The following PPARGC1A variants were observed in gnomAD, a reference collection of about 807,000 sequenced individuals.
PPARGC1A encodes the protein peroxisome proliferator-activated receptor gamma coactivator 1-alpha.
A neutral mutation model predicts 88.7 loss-of-function variants in PPARGC1A; 25 were observed. That is an observed-to-expected ratio of 0.28 (90% CI 0.21 to 0.39). PPARGC1A has a LOEUF of 0.39. Ranked by LOEUF, PPARGC1A falls within the 10% of genes least tolerant of loss-of-function variation. PPARGC1A has a pLI of 1.00. For missense variants in PPARGC1A, 880 were observed against 968.7 expected (o/e 0.91, Z 1.22); for synonymous variants, 363 against 355.6 (o/e 1.02, Z -0.24).
the PPARGC1A span, among the ~76,000 whole-genome samples, chr4:24,247,412 C>T: frequency 3.9e-5 from 6 of 152,044 alleles, no homozygotes; most frequent in Non-Finnish European, 7.4e-5. Context: ...CGTTTACTTC[C>T]GGTTCGTAAA....
the PPARGC1A span, among the ~76,000 whole-genome samples, chr4:24,376,718 T>C: frequency 4.0e-4 from 61 of 152,296 alleles, no homozygotes; most frequent in African/African-American, 1.5e-3. Flanking sequence ...TTACCTTCAT[T>C]ACTATATGGT....
chr4:24,390,868 A>T, the PPARGC1A span, among the ~76,000 whole-genome samples: 60 of 152,138 alleles, frequency 3.9e-4, no homozygotes, highest in African/African-American at 1.3e-3. Flanking sequence ...GATAACACCA[A>T]TTAGCACATG....
chr4:24,227,127 C>A, the PPARGC1A span, among the ~76,000 whole-genome samples: 1 of 152,096 alleles, frequency 6.6e-6, no homozygotes, highest in East Asian at 1.9e-4. Context: ...CTCTGTTGCC[C>A]AGGCTGGAGT....
the PPARGC1A span, among the ~76,000 whole-genome samples, chr4:24,284,869 A>G: frequency 6.6e-6 from 1 of 152,152 alleles, no homozygotes. Flanking sequence ...TTTACCAAAA[A>G]TACAAAAAAT....
intron 1 of PPARGC1A, chr4:23,889,125 T>C: frequency 1.0e-6 from 1 of 985,354 alleles, no homozygotes. Context: ...GACTGTGGAA[T>C]TGATGTATTG....
the PPARGC1A span, among the ~76,000 whole-genome samples, chr4:23,955,689 CTTA>C: frequency 3.3e-3 from 503 of 152,172 alleles, 6 homozygotes; most frequent in African/African-American, 0.011. Flanking sequence ...ATATTGAGCA[CTTA>C]TTATGTGCTA....
At chr4:24,157,383 C>T in the PPARGC1A span, among the ~76,000 whole-genome samples, 3 of 152,170 alleles carry the variant, frequency 2.0e-5, no homozygotes, top group Non-Finnish European at 4.4e-5. Context: ...TTCAGAATCT[C>T]CTTGGTGTGC....
chr4:24,294,349 T>TA, the PPARGC1A span, among the ~76,000 whole-genome samples: 1 of 152,214 alleles, frequency 6.6e-6, no homozygotes, highest in Non-Finnish European at 1.5e-5. Flanking sequence ...GTAATGTCTT[T>TA]AAAATGTATA....
At chr4:23,921,283 G>C in the PPARGC1A span, among the ~76,000 whole-genome samples, 2 of 152,218 alleles carry the variant, frequency 1.3e-5, no homozygotes, top group African/African-American at 4.8e-5. Flanking sequence ...GCGTGTGTGT[G>C]TGTGTGCGTC....
intron 5 of PPARGC1A, among the ~76,000 whole-genome samples, chr4:23,826,978 G>A (rs537950994): frequency 2.0e-5 from 3 of 152,064 alleles, no homozygotes; most frequent in Non-Finnish European, 4.4e-5. Flanking sequence ...GGAGTAGCCC[G>A]GTGAATTCAT....
chr4:23,901,240 G>A (rs1382750072), upstream of PPARGC1A, among the ~76,000 whole-genome samples: 1 of 151,978 alleles, frequency 6.6e-6, no homozygotes, highest in Non-Finnish European at 1.5e-5. Flanking sequence ...CGTGGTGGCA[G>A]GCACCTGTAG....
chr4:24,077,262 C>T, the PPARGC1A span, among the ~76,000 whole-genome samples: 1 of 152,116 alleles, frequency 6.6e-6, no homozygotes, highest in Non-Finnish European at 1.5e-5. Flanking sequence ...TTAGTTTACT[C>T]TTTCGTTTTC....
chr4:24,043,402 C>T, the PPARGC1A span, among the ~76,000 whole-genome samples: 8 of 152,182 alleles, frequency 5.3e-5, no homozygotes, highest in Admixed American at 5.2e-4. Context: ...GACTCAAAAC[C>T]CTTATTAGTC....
Position 23,792,608 on chromosome 4 carries a change from A to C in PPARGC1A, c.*3214T>G, listed in dbSNP as rs1481311469. On this transcript the variant is annotated 3_prime_UTR_variant, in exon 13 of 13. Coordinates refer to ENST00000264867, the MANE Select transcript of PPARGC1A (RefSeq NM_013261.5). ...AGAATTATTCTGCTACATCTCTTTT[A>C]AAAAAGAAAAAAATCCACATTACTA... 1 of 152,352 alleles carries C rather than the reference A, an allele frequency of 6.6e-6. No homozygotes were observed. The highest frequency in any genetic ancestry group is 1.9e-4 in the East Asian group (1 of 5,180). 9.4% of individuals were successfully genotyped at this position (152,352 alleles called of 1,614,324 possible).
the PPARGC1A span, among the ~76,000 whole-genome samples, chr4:24,404,227 C>T: frequency 4.6e-5 from 7 of 151,966 alleles, no homozygotes; most frequent in Non-Finnish European, 8.8e-5. Flanking sequence ...CGCGCCACCG[C>T]ACTCCAGCCT....
At chr4:24,276,789 T>C in the PPARGC1A span, among the ~76,000 whole-genome samples, 1 of 152,154 alleles carries the variant, frequency 6.6e-6, no homozygotes, top group African/African-American at 2.4e-5. Context: ...CCTGCAGAAA[T>C]TAAACAAGGC....
the PPARGC1A span, among the ~76,000 whole-genome samples, chr4:24,461,844 C>T: frequency 1.3e-5 from 2 of 152,188 alleles, no homozygotes; most frequent in African/African-American, 4.8e-5. Context: ...CTCTCCATTT[C>T]TTAAAGCCCA....
the PPARGC1A span, among the ~76,000 whole-genome samples, chr4:23,986,528 C>T: frequency 1.3e-5 from 2 of 152,094 alleles, no homozygotes; most frequent in Non-Finnish European, 2.9e-5. Context: ...TAGACTTTTT[C>T]CTGCAAGAGG....
chr4:24,273,097 G>A, the PPARGC1A span, among the ~76,000 whole-genome samples: 1 of 152,130 alleles, frequency 6.6e-6, no homozygotes, highest in African/African-American at 2.4e-5. Context: ...AATTACAATG[G>A]CATCTCTTGC....
Sources: gnomAD v4.1 joint callset for allele counts (sites outside exome capture counted in the v4.1 genomes callset) on GRCh38, gnomAD v4.1.1 for gene constraint, MANE v1.5 for transcripts, NCBI Gene and HGNC (gene_info 2026-07-23, HGNC 2026-07-21) for gene names.